Variants in CLCN3 observed in about 807,000 individuals in gnomAD.
CLCN3 encodes H(+)/Cl(-) exchange transporter 3.
CLCN3 carries 16 observed loss-of-function variants against 83.4 expected under a neutral mutation model. The ratio of observed to expected loss-of-function variants is 0.19; its 90% CI spans 0.13 to 0.29. The LOEUF (loss-of-function observed/expected upper bound fraction) is 0.29, where lower values mean the gene tolerates loss of function less well. Ranked by LOEUF, CLCN3 falls within the 10% of genes least tolerant of loss-of-function variation. The probability of loss-of-function intolerance (pLI) is 1.00; values close to 1 mark genes in which losing one functional copy is unlikely to be tolerated. For synonymous variants in CLCN3, 322 were observed against 346.2 expected, an observed-to-expected ratio of 0.93 and a Z score of 0.78; for missense variants, 544 against 1,006.0, an observed-to-expected ratio of 0.54 and a Z score of 6.21.
intron 1 of CLCN3, among the ~76,000 whole-genome samples, chr4:169,622,335 C>T (rs35590796): frequency 0.024 from 3,680 of 152,024 alleles, 62 homozygotes; most frequent in Non-Finnish European, 0.035. Flanking sequence ...AGTAAATTGG[C>T]TATTTTCCAG....
chr4:169,720,110 A>C lies in CLCN3; in HGVS notation c.*113A>C. On this transcript the variant is annotated 3_prime_UTR_variant, in exon 13 of 13. Transcript: ENST00000513761. ...TTTTTTTCCTCCTTTACAAAAAAAG[A>C]AAGGAAATATAAAAGCCGGGTTTTT... is the stretch of plus-strand genomic sequence containing the variant. The C allele has an allele frequency of 2.6e-6, 4 of 1,513,072 alleles. No homozygotes were observed. Among genetic ancestry groups the C allele is most frequent in the Non-Finnish European group, 1.8e-6 (2 of 1,122,778 alleles). The allele number at this position is 1,513,072 out of a possible 1,614,324, so 93.7% of individuals were successfully genotyped here.
chr4:169,707,615 G>A (rs1211218602), intron 11 of CLCN3, among the ~76,000 whole-genome samples: 15 of 152,100 alleles, frequency 9.9e-5, no homozygotes, highest in Admixed American at 9.8e-4. Context: ...ATACATTCTT[G>A]TATTTAATAA....
chr4:169,681,681 T>C (rs1398606669), intron 3 of CLCN3, among the ~76,000 whole-genome samples: 3 of 152,168 alleles, frequency 2.0e-5, no homozygotes, highest in Non-Finnish European at 4.4e-5. Flanking sequence ...ATATTTACCA[T>C]ATTAGACACT....
chr4:169,664,502 T>C (rs1731175169), intron 2 of CLCN3, among the ~76,000 whole-genome samples: 1 of 152,206 alleles, frequency 6.6e-6, no homozygotes. Context: ...ATACTTATTA[T>C]ATTTTTATTG....
chr4:169,660,549 G>A, intron 2 of CLCN3: 1 of 756,386 alleles, frequency 1.3e-6, no homozygotes, highest in Non-Finnish European at 1.8e-6. Context: ...TTTAAATACT[G>A]CAGTACGTTG....
chr4:169,635,964 T>C lies in CLCN3; in HGVS notation c.36T>C (p.Tyr12=). ...AGCAGCTGTTCCATAGAGGCTACTATAGAAACAGCTACAACAGTATAACAA... is the reference window on the plus strand; with the variant it reads ...AGCAGCTGTTCCATAGAGGCTACTACAGAAACAGCTACAACAGTATAACAA... ...ESEQLFHRGY[Y]RNSYNSITSA... is the part of the protein sequence containing the mutation. The change falls in exon 2 of 13, where the codon TAT becomes TAC. Residue 12 remains tyrosine (Y), a synonymous_variant. Coordinates refer to ENST00000513761, the MANE Select transcript of CLCN3 (RefSeq NM_001829.4). 1.2e-6 allele frequency: 2 copies of C among 1,612,108 alleles called. No individual in the cohort carries two copies. The highest frequency in any genetic ancestry group is 1.7e-6 in the Non-Finnish European group (2 of 1,179,022).
chr4:169,719,042 G>A (rs563347216), intron 12 of CLCN3, among the ~76,000 whole-genome samples: 1 of 152,328 alleles, frequency 6.6e-6, no homozygotes, highest in South Asian at 2.1e-4. Context: ...GGGCTCTGAT[G>A]TTTGGGATTG....
rs1300127051 is a variant in CLCN3 at position 169,722,128 on chromosome 4, T to A, written c.*2131T>A. 1 of 152,218 alleles carries A rather than the reference T, an allele frequency of 6.6e-6. No individual in the cohort carries two copies. The highest frequency in any genetic ancestry group is 6.5e-5 in the Admixed American group (1 of 15,284). The allele number at this position is 152,218 out of a possible 1,614,324, so 9.4% of individuals were successfully genotyped here. A position where few individuals can be genotyped will look rare whatever the true frequency, so the allele number is the denominator to read the frequency against. On this transcript the variant is annotated 3_prime_UTR_variant, in exon 13 of 13. Coordinates refer to ENST00000513761, the MANE Select transcript of CLCN3 (RefSeq NM_001829.4). ...CCACTGCGCCTGGCCCAGACAGACA[T>A]TTTCTGAAACACAACTGGCAATGAG... is the stretch of plus-strand genomic sequence containing the variant.
At chr4:169,667,411 A>G (rs931012655) in intron 2 of CLCN3, among the ~76,000 whole-genome samples, 1 of 152,184 alleles carries the variant, frequency 6.6e-6, no homozygotes, top group African/African-American at 2.4e-5. Context: ...ACATATTAGG[A>G]AATAATGGAT....
rs770356259 is a variant in CLCN3 at position 169,697,357 on chromosome 4, C to A, written c.1186C>A (p.Leu396Ile). 2.5e-6 allele frequency: 4 copies of A among 1,613,872 alleles called. No individual in the cohort carries two copies. The African/African-American group carries it at 5.3e-5, about 22-fold the overall frequency. The change falls in exon 9 of 13, where the codon CTA becomes ATA. Residue 396 changes from leucine (L) to isoleucine (I), a missense_variant. Transcript: ENST00000513761. Reference protein sequence around the residue: ...YLFELFPFILLGVFGGLWGAF... With the variant: ...YLFELFPFILIGVFGGLWGAF... Reference sequence around the variant, plus strand: ...TTTTGAACTGTTTCCTTTTATTCTTCTAGGGGTATTTGGAGGGCTTTGGGG... The same window carrying A: ...TTTTGAACTGTTTCCTTTTATTCTTATAGGGGTATTTGGAGGGCTTTGGGG...
chr4:169,672,199 G>A (rs1314145714), intron 2 of CLCN3, among the ~76,000 whole-genome samples: 1 of 112,880 alleles, frequency 8.9e-6, no homozygotes, highest in South Asian at 2.9e-4. Context: ...GTGACAGAGC[G>A]AGTCTCCATC....
intron 2 of CLCN3, among the ~76,000 whole-genome samples, chr4:169,656,166 G>A (rs1730876933): frequency 6.6e-6 from 1 of 152,012 alleles, no homozygotes; most frequent in Non-Finnish European, 1.5e-5. Context: ...ACTTAAAGCA[G>A]CCTGTATTAG....
chr4:169,636,995 G>T (rs1730226109), intron 2 of CLCN3, among the ~76,000 whole-genome samples: 1 of 151,828 alleles, frequency 6.6e-6, no homozygotes, highest in Non-Finnish European at 1.5e-5. Flanking sequence ...CTAGCAATGT[G>T]TGAGAATACT....
At chr4:169,710,951 G>A (rs536661161) in intron 11 of CLCN3, among the ~76,000 whole-genome samples, 11 of 152,212 alleles carry the variant, frequency 7.2e-5, no homozygotes, top group Admixed American at 2.6e-4. Context: ...CTCAACCTCC[G>A]GAGCACATGA....
intron 1 of CLCN3, among the ~76,000 whole-genome samples, chr4:169,623,629 C>T (rs1773160765): frequency 6.6e-6 from 1 of 152,168 alleles, no homozygotes. Flanking sequence ...CTAACTGAAA[C>T]TTGGTATTCT....
chr4:169,638,483 C>G (rs898028164), intron 2 of CLCN3, among the ~76,000 whole-genome samples: 1 of 78,290 alleles, frequency 1.3e-5, no homozygotes, highest in Non-Finnish European at 2.8e-5. Context: ...CTGTCTTTAT[C>G]ACAGATTTTT....
At chr4:169,701,265 C>T (rs1348205385) in intron 9 of CLCN3, among the ~76,000 whole-genome samples, 1 of 152,224 alleles carries the variant, frequency 6.6e-6, no homozygotes, top group Non-Finnish European at 1.5e-5. Flanking sequence ...ACTCCTTATA[C>T]ATTCAAGTTT....
At chr4:169,633,717 T>C (rs1773438805) in intron 1 of CLCN3, among the ~76,000 whole-genome samples, 1 of 152,246 alleles carries the variant, frequency 6.6e-6, no homozygotes, top group African/African-American at 2.4e-5. Flanking sequence ...ATTTCAAATA[T>C]ATTTTATTTA....
At position 169,666,989 on chromosome 4, in the gene CLCN3, A is replaced by T. The variant is rs556569375; in HGVS notation, c.161-13061A>T. Among the ~76,000 whole-genome samples, 10 of 152,360 alleles carry T rather than the reference A, an allele frequency of 6.6e-5. No homozygotes were observed. In the East Asian group the frequency reaches 1.9e-3, roughly 29 times the overall value. ...CATGAGCTAGATAACAGTGGCCTCTACATGGGAAAGATTATTTTAATTCTG... is the reference window on the plus strand; with the variant it reads ...CATGAGCTAGATAACAGTGGCCTCTTCATGGGAAAGATTATTTTAATTCTG... On this transcript the variant is annotated intron_variant, in intron 2 of 12. Coordinates refer to ENST00000513761, the MANE Select transcript of CLCN3 (RefSeq NM_001829.4).
Sources: allele counts gnomAD v4.1 joint callset (sites outside exome capture counted in the v4.1 genomes callset), GRCh38; gene constraint gnomAD v4.1.1; transcripts MANE v1.5; gene names NCBI Gene and HGNC (gene_info 2026-07-23, HGNC 2026-07-21).